Variants in ERCC1 observed in about 807,000 individuals in gnomAD.
The protein encoded by ERCC1 is ERCC excision repair 1, endonuclease non-catalytic subunit.
A neutral mutation model predicts 37.6 loss-of-function variants in ERCC1; 36 were observed. The observed-to-expected ratio is 0.96, with a 90% CI of 0.73 to 1.26. ERCC1 has a LOEUF of 1.26. Among genes scored for constraint, ERCC1 ranks in the 50% most tolerant of loss-of-function variants. The probability of loss-of-function intolerance (pLI) is 0.00; values close to 1 mark genes in which losing one functional copy is unlikely to be tolerated. For synonymous variants in ERCC1, 156 were observed against 162.1 expected (o/e 0.96, Z 0.28); for missense variants, 349 against 376.5 (o/e 0.93, Z 0.60).
chr19:45,417,295 G>A (rs974008419), intron 5 of ERCC1, among the ~76,000 whole-genome samples: 7 of 152,142 alleles, frequency 4.6e-5, no homozygotes, highest in African/African-American at 1.7e-4. Flanking sequence ...GAGCAGGACA[G>A]ACCTGTCCCC....
upstream of ERCC1, among the ~76,000 whole-genome samples, chr19:45,428,264 T>C (rs955551033): frequency 1.5e-5 from 2 of 131,608 alleles, no homozygotes; most frequent in African/African-American, 3.2e-5. Flanking sequence ...TGTATTTTTT[T>C]TGTAGAGGCG....
At chr19:45,418,513 C>T (rs1205973359) in intron 5 of ERCC1, among the ~76,000 whole-genome samples, 2 of 143,168 alleles carry the variant, frequency 1.4e-5, no homozygotes, top group South Asian at 2.2e-4. Context: ...GAGGAGACTC[C>T]GTCTTAAAAA....
At chr19:45,444,470 G>C (rs1394733940) in intron 1 of ERCC1, among the ~76,000 whole-genome samples, 1 of 152,098 alleles carries the variant, frequency 6.6e-6, no homozygotes, top group Admixed American at 6.6e-5. Flanking sequence ...CCCCAGGGCC[G>C]CCAGATGAGG....
intron 1 of ERCC1, among the ~76,000 whole-genome samples, chr19:45,450,446 G>A (rs1967079196): frequency 6.6e-6 from 1 of 152,146 alleles, no homozygotes; most frequent in African/African-American, 2.4e-5. Context: ...CGAGGTCGGC[G>A]CTGTAAAATG....
At chr19:45,438,227 T>A (rs746008993) in intron 1 of ERCC1, among the ~76,000 whole-genome samples, 1 of 152,128 alleles carries the variant, frequency 6.6e-6, no homozygotes, top group Non-Finnish European at 1.5e-5. Context: ...TGATTTTTTT[T>A]ATTTTTATTA....
chr19:45,442,612 G>C (rs1975150773), intron 1 of ERCC1, among the ~76,000 whole-genome samples: 1 of 152,116 alleles, frequency 6.6e-6, no homozygotes, highest in Non-Finnish European at 1.5e-5. Context: ...GTGTCCTTTT[G>C]AGGGCCCGGT....
chr19:45,420,217 A>T lies in ERCC1; in HGVS notation c.425+107T>A, dbSNP rs968201218. 1.3e-5 allele frequency: 10 copies of T among 790,110 alleles called. No homozygotes were observed. In the Admixed American group the frequency reaches 1.4e-4, roughly 11 times the overall value. 48.9% of individuals were successfully genotyped at this position (790,110 alleles called of 1,614,324 possible). On this transcript the variant is annotated intron_variant, in intron 4 of 9. Coordinates refer to ENST00000300853, the MANE Select transcript of ERCC1 (RefSeq NM_001983.4). This position sits in a 1 kb window ranked among gnomAD's most constrained non-coding sequence, Gnocchi z 4.8. ...CCCACCAAGGCCCAGAACCTGCAGG[A>T]CCATGCCCAGAGGCTTCTCATAGAA...
chr19:45,428,289 T>G (rs1307214788), upstream of ERCC1, among the ~76,000 whole-genome samples: 163 of 61,500 alleles, frequency 2.7e-3, no homozygotes, highest in Non-Finnish European at 3.5e-3. Context: ...GGTGGGGGGG[T>G]GGGGTCTCAC....
chr19:45,407,944 C>A lies in ERCC1; in HGVS notation c.*1731G>T. 1 of 671,218 alleles carries A rather than the reference C, an allele frequency of 1.5e-6. No homozygotes were observed. The highest frequency in any genetic ancestry group is 2.2e-6 in the Non-Finnish European group (1 of 445,470). The allele number at this position is 671,218 out of a possible 1,614,324, so 41.6% of individuals were successfully genotyped here. ...TGGCAGGTGCCTGTAATCCCAGCTA[C>A]TTGAGAGGCTGAGGCAGGAGAATCG... On this transcript the variant is annotated 3_prime_UTR_variant, in exon 10 of 10. Coordinates refer to ENST00000300853, the MANE Select transcript of ERCC1 (RefSeq NM_001983.4).
At chr19:45,414,080 C>G (rs1973902471) in intron 7 of ERCC1, 46 bp from the exon 8 acceptor site, 1 of 1,509,300 alleles carries the variant, frequency 6.6e-7, no homozygotes, top group African/African-American at 1.4e-5. Context: ...GAAAGGCCAG[C>G]AAGACTGAGC....
chr19:45,423,804 C>G lies in ERCC1; in HGVS notation c.-31G>C. On this transcript the variant is annotated 5_prime_UTR_variant, in exon 1 of 10. Coordinates refer to ENST00000300853, the MANE Select transcript of ERCC1 (RefSeq NM_001983.4). ...ACCTGTGGTCCGGGCCTCACGGTTT[C>G]AGCGCCGCGAGGCCTCACCTGCTGG... is the stretch of plus-strand genomic sequence containing the variant. 8.9e-7 allele frequency: 1 copy of G among 1,123,938 alleles called. No homozygotes were observed. Among genetic ancestry groups the G allele is most frequent in the Non-Finnish European group, 1.1e-6 (1 of 911,598 alleles). 69.6% of individuals were successfully genotyped at this position (1,123,938 alleles called of 1,614,324 possible).
intron 9 of ERCC1, among the ~76,000 whole-genome samples, chr19:45,413,058 G>C (rs1331973585): frequency 6.6e-6 from 1 of 151,902 alleles, no homozygotes; most frequent in Non-Finnish European, 1.5e-5. Flanking sequence ...TTTTTAATTT[G>C]ATGTGATCCC....
At chr19:45,434,243 A>G (rs1049990208) in intron 1 of ERCC1, among the ~76,000 whole-genome samples, 1 of 151,140 alleles carries the variant, frequency 6.6e-6, no homozygotes, top group Non-Finnish European at 1.5e-5. Context: ...CACTTTGGGA[A>G]GCTAAGGCTG....
At chr19:45,411,773 A>G (rs559455447) in intron 9 of ERCC1, among the ~76,000 whole-genome samples, 2 of 151,884 alleles carry the variant, frequency 1.3e-5, no homozygotes, top group African/African-American at 2.4e-5. Flanking sequence ...CAGCCTGGGC[A>G]ACAGAGTGAG....
At chr19:45,430,162 C>G (rs1223974032) in intron 1 of ERCC1, among the ~76,000 whole-genome samples, 1 of 152,234 alleles carries the variant, frequency 6.6e-6, no homozygotes, top group Non-Finnish European at 1.5e-5. Flanking sequence ...CCATCTCAGT[C>G]ATCGCCTTGT....
chr19:45,409,152 C>T lies in ERCC1; in HGVS notation c.*523G>A. 6.2e-7 allele frequency: 1 copy of T among 1,613,118 alleles called. No homozygotes were observed. Among genetic ancestry groups the T allele is most frequent in the East Asian group, 2.2e-5 (1 of 44,812 alleles). On this transcript the variant is annotated 3_prime_UTR_variant, in exon 10 of 10. Transcript: ENST00000300853. ...ACGAAGAAAGAAAAACAGCAAGATG[C>T]CACAGTGGAGCCAGAGACAGAGGTG... is the stretch of plus-strand genomic sequence containing the variant.
chr19:45,409,132 G>T lies in ERCC1; in HGVS notation c.*543C>A. 6.2e-7 allele frequency: 1 copy of T among 1,613,102 alleles called. No homozygotes were observed. The highest frequency in any genetic ancestry group is 8.5e-7 in the Non-Finnish European group (1 of 1,179,364). On this transcript the variant is annotated 3_prime_UTR_variant, in exon 10 of 10. Transcript: ENST00000300853. The stretch of plus-strand genomic sequence containing the variant: ...TGGCAGCTCCCAAAAAGAAGACGAA[G>T]AAAGAAAAACAGCAAGATGCCACAG...
chr19:45,416,765 G>T, intron 6 of ERCC1, 56 bp downstream of exon 6: 1 of 1,348,264 alleles, frequency 7.4e-7, no homozygotes, highest in East Asian at 2.3e-5. Flanking sequence ...TGGGATGGGG[G>T]AGCAGGGACC....
intron 5 of ERCC1, among the ~76,000 whole-genome samples, chr19:45,417,581 G>A (rs1974141388): frequency 6.6e-6 from 1 of 152,164 alleles, no homozygotes; most frequent in South Asian, 2.1e-4. Context: ...TGAGGAGCAT[G>A]GAATCTTAGA....
Sources: gnomAD v4.1 joint callset for allele counts (sites outside exome capture counted in the v4.1 genomes callset) on GRCh38, gnomAD v4.1.1 for gene constraint, Gnocchi (gnomAD v3.1) non-coding constraint, MANE v1.5 for transcripts, NCBI Gene and HGNC (gene_info 2026-07-23, HGNC 2026-07-21) for gene names.